The following PAQR5 variants were observed in gnomAD, a reference collection of about 807,000 sequenced individuals.
The protein encoded by PAQR5 is progestin and adipoQ receptor family member 5, also known as membrane progestin receptor gamma.
Under a neutral mutation model 34.5 loss-of-function variants are expected in PAQR5, and 20 were observed. The ratio of observed to expected loss-of-function variants is 0.58; its 90% CI spans 0.41 to 0.84. The LOEUF (loss-of-function observed/expected upper bound fraction) is 0.84. PAQR5 is among the 40% of genes least tolerant of loss of function. The pLI is 0.00. For synonymous variants in PAQR5, 131 were observed against 155.6 expected (o/e 0.84, Z 1.18); for missense variants, 378 against 412.7 (o/e 0.92, Z 0.73).
chr15:69,364,607 G>T (rs2055342725), intron 3 of PAQR5, among the ~76,000 whole-genome samples: 1 of 145,574 alleles, frequency 6.9e-6, no homozygotes, highest in Admixed American at 7.2e-5. Context: ...TTAATGAAAA[G>T]AAATGCTTTT....
Position 69,397,546 on chromosome 15 carries a change from C to T in PAQR5, c.591C>T (p.Ser197=), listed in dbSNP as rs1317319379. Residue 197 remains serine (S), a synonymous_variant, in exon 7 of 9, where the codon TCC becomes TCT. Coordinates refer to ENST00000395407, the MANE Select transcript of PAQR5 (RefSeq NM_017705.4). ...LAFAYPYTWD[S]LPIFYRLFLF... is the part of the protein sequence containing the mutation. ...TTGCTTATCCGTACACCTGGGACTC[C>T]CTCCCCATCTTCTACAGGGTAAGGA... is the stretch of plus-strand genomic sequence containing the variant. The T allele has an allele frequency of 6.2e-7, 1 of 1,608,808 alleles. No homozygotes were observed. Among genetic ancestry groups the T allele is most frequent in the African/African-American group, 1.3e-5 (1 of 74,804 alleles).
chr15:69,340,426 G>T (rs2054613563), intron 2 of PAQR5, among the ~76,000 whole-genome samples: 1 of 152,162 alleles, frequency 6.6e-6, no homozygotes, highest in South Asian at 2.1e-4. Context: ...TTGAGAGGTT[G>T]TGACCTGCAG....
At chr15:69,374,968 A>C (rs2055666355) in intron 3 of PAQR5, among the ~76,000 whole-genome samples, 1 of 152,172 alleles carries the variant, frequency 6.6e-6, no homozygotes, top group Non-Finnish European at 1.5e-5. Flanking sequence ...TTAGAACTGC[A>C]GACTCTCGCC....
chr15:69,352,288 A>G (rs895150102), intron 2 of PAQR5, among the ~76,000 whole-genome samples: 1 of 152,192 alleles, frequency 6.6e-6, no homozygotes, highest in Admixed American at 6.5e-5. Context: ...ATGCTTGACC[A>G]TGGACCACCA....
rs1455747419 is a variant in PAQR5, at chr15:69,300,935, CTCTCTTTCTTTCCTTCTTTCTTTCTT to C, written c.-277+1883_-277+1908del. The stretch of plus-strand genomic sequence containing the variant: ...TTCCTTTCTCTCTCTCTCTCTCTCT[CTCTCTTTCTTTCCTTCTTTCTTTCTT>C]TCTTTCTTTCTTTCTTTCTTTCTTT... On this transcript the variant is annotated intron_variant, in intron 1 of 8. Transcript: ENST00000395407. Among the ~76,000 whole-genome samples the C allele has an allele frequency of 1.9e-4, 6 of 31,030 alleles. 1 individual carries two copies. The highest frequency in any genetic ancestry group is 1.2e-3 in the Admixed American group (2 of 1,734). The allele number at this position is 31,030 out of a possible 152,430, so 20.4% of individuals were successfully genotyped here. A position where few individuals can be genotyped will look rare whatever the true frequency, so the allele number is the denominator to read the frequency against.
intron 1 of PAQR5, among the ~76,000 whole-genome samples, chr15:69,312,514 A>G (rs2053854988): frequency 6.6e-6 from 1 of 151,634 alleles, no homozygotes; most frequent in Non-Finnish European, 1.5e-5. Context: ...GGCAAAAGTC[A>G]TCCTCTTCTC....
chr15:69,354,394 T>A (rs2055002780), intron 2 of PAQR5, among the ~76,000 whole-genome samples: 1 of 152,208 alleles, frequency 6.6e-6, no homozygotes, highest in African/African-American at 2.4e-5. Flanking sequence ...TCACGTAATA[T>A]AAGATTTATT....
chr15:69,371,809 AT>A (rs1438449420), intron 3 of PAQR5, among the ~76,000 whole-genome samples: 1 of 152,178 alleles, frequency 6.6e-6, no homozygotes, highest in Non-Finnish European at 1.5e-5. Flanking sequence ...CCAAACCTAG[AT>A]TTTTTTGTAG....
At chr15:69,396,532 GAC>G (rs1228718828) in intron 6 of PAQR5, among the ~76,000 whole-genome samples, 2 of 152,164 alleles carry the variant, frequency 1.3e-5, no homozygotes, top group Non-Finnish European at 2.9e-5. Context: ...CCCAAGGGAG[GAC>G]ACAGCCCTCC....
intron 3 of PAQR5, among the ~76,000 whole-genome samples, chr15:69,369,406 T>G (rs925277261): frequency 6.6e-6 from 1 of 152,106 alleles, no homozygotes; most frequent in Non-Finnish European, 1.5e-5. Context: ...CCTGGTGGCA[T>G]GTGCCTGTAA....
chr15:69,312,544 C>A (rs1484210153), intron 1 of PAQR5, among the ~76,000 whole-genome samples: 4 of 151,568 alleles, frequency 2.6e-5, no homozygotes, highest in African/African-American at 9.7e-5. Flanking sequence ...CTTGTCACAG[C>A]AGCGGGGGAA....
intron 3 of PAQR5, among the ~76,000 whole-genome samples, chr15:69,361,961 G>A (rs149590299): frequency 2.0e-5 from 3 of 151,418 alleles, no homozygotes; most frequent in African/African-American, 2.4e-5. Flanking sequence ...TGGTGATGGT[G>A]GGGGGACTGG....
chr15:69,318,870 C>T (rs1052862555), intron 1 of PAQR5, among the ~76,000 whole-genome samples: 3 of 151,774 alleles, frequency 2.0e-5, no homozygotes, highest in Non-Finnish European at 4.4e-5. Context: ...GTGGCTCACG[C>T]CTGTAATCCC....
At chr15:69,320,049 G>C (rs1025231846) in intron 1 of PAQR5, among the ~76,000 whole-genome samples, 2 of 152,230 alleles carry the variant, frequency 1.3e-5, no homozygotes, top group Admixed American at 6.5e-5. Flanking sequence ...GCCTTCCCCC[G>C]CAGCCAGAGC....
chr15:69,343,867 G>C (rs1219565508), intron 2 of PAQR5, among the ~76,000 whole-genome samples: 2 of 152,172 alleles, frequency 1.3e-5, no homozygotes, highest in African/African-American at 4.8e-5. Context: ...TCAGCACCAG[G>C]TGGCACAGCA....
chr15:69,358,959 T>C (rs1254055709), intron 2 of PAQR5, among the ~76,000 whole-genome samples: 8 of 152,158 alleles, frequency 5.3e-5, no homozygotes, highest in Non-Finnish European at 1.0e-4. Flanking sequence ...CCATTTGGCA[T>C]GCTATCACAA....
chr15:69,331,649 T>G (rs1259630998), intron 1 of PAQR5, among the ~76,000 whole-genome samples: 2 of 152,134 alleles, frequency 1.3e-5, no homozygotes, highest in African/African-American at 4.8e-5. Flanking sequence ...GGTCTTCGCC[T>G]TGCCCAGAGA....
chr15:69,345,520 T>C (rs2054747054), intron 2 of PAQR5, among the ~76,000 whole-genome samples: 2 of 152,196 alleles, frequency 1.3e-5, no homozygotes, highest in African/African-American at 2.4e-5. Context: ...AGTGCAAATT[T>C]CACCTCTTAG....
intron 1 of PAQR5, among the ~76,000 whole-genome samples, chr15:69,328,153 G>T (rs2054296542): frequency 6.6e-6 from 1 of 152,190 alleles, no homozygotes; most frequent in Non-Finnish European, 1.5e-5. Flanking sequence ...CTACCAAAAT[G>T]ACAACATTTG....
Sources: gnomAD v4.1 joint callset for allele counts (sites outside exome capture counted in the v4.1 genomes callset) on GRCh38, gnomAD v4.1.1 for gene constraint, MANE v1.5 for transcripts, NCBI Gene and HGNC (gene_info 2026-07-23, HGNC 2026-07-21) for gene names.